OR6N1: variants seen among roughly 807,000 people sequenced by gnomAD.
OR6N1 encodes the protein olfactory receptor 6N1.
For synonymous variants in OR6N1, 170 were observed against 150.7 expected (o/e 1.13, Z -0.94); for missense variants, 394 against 371.7 (o/e 1.06, Z -0.49).
the OR6N1 span, among the ~76,000 whole-genome samples, chr1:158,790,696 G>A: frequency 1.9e-4 from 29 of 152,138 alleles, no homozygotes; most frequent in Admixed American, 3.3e-4. Context: ...GAGCCACTGC[G>A]CCGGGCCTTT....
the OR6N1 span, among the ~76,000 whole-genome samples, chr1:158,826,208 C>T: frequency 3.3e-5 from 5 of 151,616 alleles, no homozygotes; most frequent in Admixed American, 2.0e-4. Flanking sequence ...ATCTGCACAT[C>T]AAATCCCCAG....
At chr1:158,811,514 TA>T in the OR6N1 span, among the ~76,000 whole-genome samples, 1 of 152,314 alleles carries the variant, frequency 6.6e-6, no homozygotes, top group East Asian at 1.9e-4. Flanking sequence ...ATCATTTTCA[TA>T]AAAGCCTTAT....
chr1:158,797,167 C>T, the OR6N1 span, among the ~76,000 whole-genome samples: 1 of 152,192 alleles, frequency 6.6e-6, no homozygotes, highest in East Asian at 1.9e-4. Context: ...CCCCACCTGC[C>T]CCCTTTGTCT....
At chr1:158,829,903 G>A in the OR6N1 span, among the ~76,000 whole-genome samples, 1 of 152,204 alleles carries the variant, frequency 6.6e-6, no homozygotes, top group Non-Finnish European at 1.5e-5. Flanking sequence ...GGCAAAGAGA[G>A]AGCTTGCTCA....
At chr1:158,792,330 G>C in the OR6N1 span, among the ~76,000 whole-genome samples, 1 of 152,006 alleles carries the variant, frequency 6.6e-6, no homozygotes, top group Non-Finnish European at 1.5e-5. Flanking sequence ...TATGTGATTT[G>C]TGATTTTTTT....
chr1:158,824,976 TTAAAG>T, the OR6N1 span, among the ~76,000 whole-genome samples: 3 of 152,156 alleles, frequency 2.0e-5, no homozygotes, highest in African/African-American at 2.4e-5. Flanking sequence ...TGAAACCTAG[TTAAAG>T]TAAAGAGTTT....
the OR6N1 span, among the ~76,000 whole-genome samples, chr1:158,778,870 C>A: frequency 6.6e-6 from 1 of 151,438 alleles, no homozygotes; most frequent in Non-Finnish European, 1.5e-5. Context: ...AAAAAAAAAT[C>A]AGCCGGGCGT....
At chr1:158,824,574 C>A in the OR6N1 span, among the ~76,000 whole-genome samples, 1 of 152,024 alleles carries the variant, frequency 6.6e-6, no homozygotes, top group Non-Finnish European at 1.5e-5. Flanking sequence ...TTCTTCTAGG[C>A]CCATTTGAAT....
chr1:158,780,411 A>G, the OR6N1 span, among the ~76,000 whole-genome samples: 4 of 152,198 alleles, frequency 2.6e-5, no homozygotes, highest in Admixed American at 6.5e-5. Context: ...AATCTGTGTA[A>G]GGCCTTCTCT....
In OR6N1 at chr1:158,765,503, T is replaced by C. The variant is rs778882208; in HGVS notation, c.*241A>G. ...TACATAAACATCTGAGTTTTGAAAA[T>C]CACTGCACTACATCATGTTGAAGGG... On this transcript the variant is annotated 3_prime_UTR_variant, in exon 2 of 2. Coordinates refer to ENST00000641846, the MANE Select transcript of OR6N1 (RefSeq NM_001005185.2). The C allele has an allele frequency of 7.5e-5, 31 of 410,906 alleles. No individual in the cohort carries two copies. In the Middle Eastern group the frequency reaches 2.6e-3, roughly 35 times the overall value. 25.5% of individuals were successfully genotyped at this position (410,906 alleles called of 1,614,324 possible).
Position 158,766,169 on chromosome 1 carries a change from TG to T in OR6N1, c.513del (p.Asn172IlefsTer14), listed in dbSNP as rs1268706719. 1 of 1,614,052 alleles carries T rather than the reference TG, an allele frequency of 6.2e-7. No individual in the cohort carries two copies. The highest frequency in any genetic ancestry group is 8.5e-7 in the Non-Finnish European group (1 of 1,180,040). ...TCACAAAAGACGTGCTGAATGCGAT[TG>T]GGGCCACAGAATGGGAGGCGTGAAA... Reference protein sequence around the residue: ...SLISRLPFCGPNRIQHVFCDF... With the variant: ...SLISRLPFCGXNRIQHVFCDF... On this transcript the variant is annotated frameshift_variant, in exon 2 of 2. Coordinates refer to ENST00000641846, the MANE Select transcript of OR6N1 (RefSeq NM_001005185.2). LOFTEE classifies it low-confidence loss of function (END_TRUNC).
the OR6N1 span, among the ~76,000 whole-genome samples, chr1:158,838,255 T>C: frequency 1.3e-5 from 2 of 152,178 alleles, no homozygotes; most frequent in South Asian, 4.1e-4. Context: ...CTTTAGTATT[T>C]CTTTTAAGGT....
intron 1 of OR6N1, among the ~76,000 whole-genome samples, chr1:158,770,846 T>C (rs1240938977): frequency 6.6e-6 from 1 of 152,188 alleles, no homozygotes; most frequent in Admixed American, 6.5e-5. Context: ...ACTGGAAGCT[T>C]CCTGACCCAT....
chr1:158,830,708 T>C, the OR6N1 span, among the ~76,000 whole-genome samples: 1 of 152,138 alleles, frequency 6.6e-6, no homozygotes, highest in Non-Finnish European at 1.5e-5. Flanking sequence ...CAACTATCCA[T>C]AAATAATGCA....
chr1:158,812,026 C>G, the OR6N1 span, among the ~76,000 whole-genome samples: 1 of 152,224 alleles, frequency 6.6e-6, no homozygotes, highest in Non-Finnish European at 1.5e-5. Context: ...TGTGACCTTT[C>G]TGCAGGATGA....
chr1:158,796,231 G>A, the OR6N1 span: 3 of 152,204 alleles, frequency 2.0e-5, no homozygotes, highest in African/African-American at 7.2e-5. Flanking sequence ...GTATGCTTCA[G>A]AGTTTTCCAT....
At chr1:158,819,103 T>C in the OR6N1 span, among the ~76,000 whole-genome samples, 2 of 152,198 alleles carry the variant, frequency 1.3e-5, no homozygotes, top group Non-Finnish European at 2.9e-5. Flanking sequence ...CCACAACTTC[T>C]GTAATTATCA....
the OR6N1 span, among the ~76,000 whole-genome samples, chr1:158,832,054 CA>C: frequency 1.3e-5 from 2 of 152,134 alleles, no homozygotes; most frequent in African/African-American, 4.8e-5. Flanking sequence ...ATAATCTTTA[CA>C]TTTTCATGAA....
At chr1:158,814,891 C>G in the OR6N1 span, among the ~76,000 whole-genome samples, 4 of 152,074 alleles carry the variant, frequency 2.6e-5, no homozygotes. Context: ...CTGAGGTATA[C>G]AGAAAGGCTG....
Sources: gnomAD v4.1 joint callset for allele counts (sites outside exome capture counted in the v4.1 genomes callset) on GRCh38, gnomAD v4.1.1 for gene constraint, MANE v1.5 for transcripts, NCBI Gene and HGNC (gene_info 2026-07-23, HGNC 2026-07-21) for gene names.